The following SVOP variants were observed in gnomAD, a reference collection of about 807,000 sequenced individuals.
SVOP encodes synaptic vesicle 2-related protein.
A neutral mutation model predicts 69.1 loss-of-function variants in SVOP; 17 were observed. The observed-to-expected ratio is 0.25, with a 90% CI of 0.17 to 0.37. The LOEUF (loss-of-function observed/expected upper bound fraction) is 0.37, where lower values mean the gene tolerates loss of function less well. SVOP is among the 10% of genes least tolerant of loss of function. The pLI is 1.00. For missense variants in SVOP, 435 were observed against 597.5 expected (o/e 0.73, Z 2.84); for synonymous variants, 238 against 238.6 (o/e 1.00, Z 0.02).
chr12:108,985,295 AAG>A (rs2040160685), intron 1 of SVOP, among the ~76,000 whole-genome samples: 1 of 134,170 alleles, frequency 7.5e-6, no homozygotes, highest in Admixed American at 7.1e-5. Context: ...AAGAAGAAGA[AAG>A]AGAGAGAGAA....
intron 5 of SVOP, among the ~76,000 whole-genome samples, chr12:108,965,294 G>A (rs912613903): frequency 2.0e-5 from 3 of 152,198 alleles, no homozygotes; most frequent in South Asian, 2.1e-4. Context: ...CTGAAGATCC[G>A]TAAGTGGTGC....
intron 14 of SVOP, among the ~76,000 whole-genome samples, chr12:108,916,171 G>C (rs1566046244): frequency 6.6e-6 from 1 of 152,226 alleles, no homozygotes; most frequent in Non-Finnish European, 1.5e-5. Flanking sequence ...CAACTCAGGG[G>C]TTGCTCTCTA....
intron 11 of SVOP, among the ~76,000 whole-genome samples, chr12:108,929,920 A>G (rs957812270): frequency 1.3e-5 from 2 of 152,206 alleles, no homozygotes; most frequent in Non-Finnish European, 2.9e-5. Flanking sequence ...TGACACAGGT[A>G]CTTGGTGCTG....
chr12:109,011,095 A>C (rs1249238501), intron 1 of SVOP, among the ~76,000 whole-genome samples: 1 of 151,870 alleles, frequency 6.6e-6, no homozygotes, highest in Non-Finnish European at 1.5e-5. Flanking sequence ...TTGTATTTTT[A>C]GTAAAGACAG....
chr12:108,927,588 T>C (rs1566049033), intron 11 of SVOP, among the ~76,000 whole-genome samples: 1 of 101,930 alleles, frequency 9.8e-6, no homozygotes, highest in South Asian at 4.2e-4. Flanking sequence ...TCTCTCTCTC[T>C]CTTTTTTTTT....
chr12:108,927,826 G>A lies in SVOP; in HGVS notation c.1049-5029C>T, dbSNP rs533927998. On this transcript the variant is annotated intron_variant, in intron 11 of 15. Transcript: ENST00000610966. The stretch of plus-strand genomic sequence containing the variant: ...GCCCAGGCTGGTCTTGAACTCCTGA[G>A]CTCAAGTGATTCACCTGCCTCAGCC... Among the ~76,000 whole-genome samples, 7 of 151,550 alleles carry A rather than the reference G, an allele frequency of 4.6e-5. No individual in the cohort carries two copies. The South Asian group carries it at 1.5e-3, about 32-fold the overall frequency.
At chr12:108,932,745 C>A (rs546499428) in intron 11 of SVOP, among the ~76,000 whole-genome samples, 140 of 152,196 alleles carry the variant, frequency 9.2e-4, no homozygotes, top group Non-Finnish European at 7.6e-4. Flanking sequence ...AACATTAAAA[C>A]AAAGATCGTA....
chr12:108,990,472 A>T (rs1375053396), intron 1 of SVOP, among the ~76,000 whole-genome samples: 2 of 143,864 alleles, frequency 1.4e-5, no homozygotes, highest in African/African-American at 5.1e-5. Flanking sequence ...GAACACTTGG[A>T]CACAGGAAGG....
intron 7 of SVOP, among the ~76,000 whole-genome samples, chr12:108,943,534 G>T (rs1400250471): frequency 6.6e-6 from 1 of 151,526 alleles, no homozygotes; most frequent in South Asian, 2.1e-4. Context: ...GGAGGCGGAG[G>T]ATGCAGAGAG....
At position 108,977,374 on chromosome 12, in the gene SVOP, G is replaced by T. The variant is rs947840781; in HGVS notation, c.381+24C>A. ...CAGGGGAGCAGAACTGTATGCAACA[G>T]AAGGGAGCTGCTGGGCTGCCTACCG... On this transcript the variant is annotated intron_variant, in intron 4 of 15. Transcript: ENST00000610966. The T allele has an allele frequency of 3.9e-6, 6 of 1,536,402 alleles. No individual in the cohort carries two copies. In the African/African-American group the frequency reaches 5.5e-5, roughly 14 times the overall value.
At chr12:108,958,303 CTT>C (rs755097672) in intron 6 of SVOP, among the ~76,000 whole-genome samples, 2 of 108,486 alleles carry the variant, frequency 1.8e-5, no homozygotes, top group African/African-American at 2.6e-5. Flanking sequence ...CATGCCTGGC[CTT>C]TTTTTTTTTT....
In SVOP at chr12:108,912,213, C is replaced by T. The variant is rs1490214821; in HGVS notation, c.*322G>A. On this transcript the variant is annotated 3_prime_UTR_variant, in exon 16 of 16. Coordinates refer to ENST00000610966, the MANE Select transcript of SVOP (RefSeq NM_018711.5). ...TTTGGTTGTTCACTGAGGGTTTGGCCGGGTGACTCTGGGTGGTGTCTGATT... is the reference window on the plus strand; with the variant it reads ...TTTGGTTGTTCACTGAGGGTTTGGCTGGGTGACTCTGGGTGGTGTCTGATT... 12 of 1,204,642 alleles carry T rather than the reference C, an allele frequency of 1.0e-5. No individual in the cohort carries two copies. In the Admixed American group the frequency reaches 1.2e-4, roughly 12 times the overall value. 74.6% of individuals were successfully genotyped at this position (1,204,642 alleles called of 1,614,324 possible).
chr12:108,972,750 G>A (rs1593195728), intron 4 of SVOP, among the ~76,000 whole-genome samples: 1 of 152,342 alleles, frequency 6.6e-6, no homozygotes, highest in East Asian at 1.9e-4. Flanking sequence ...GGCGTTAAGT[G>A]GCGCAGCCTG....
intron 2 of SVOP, among the ~76,000 whole-genome samples, chr12:108,982,063 AT>A (rs2040138700): frequency 6.6e-6 from 1 of 151,822 alleles, no homozygotes; most frequent in Admixed American, 6.6e-5. Flanking sequence ...CGTCACCATC[AT>A]AACCACCATC....
chr12:108,935,160 T>G (rs934761202), intron 10 of SVOP, among the ~76,000 whole-genome samples: 2 of 152,200 alleles, frequency 1.3e-5, no homozygotes, highest in East Asian at 3.8e-4. Context: ...TAATATCTTT[T>G]AGGGCTCTGG....
At chr12:108,983,821 C>T (rs1323294543) in intron 1 of SVOP, 60 bp from the exon 2 acceptor site, 1 of 398,654 alleles carries the variant, frequency 2.5e-6, no homozygotes, top group Non-Finnish European at 4.4e-6. Flanking sequence ...GGCCTTGCTG[C>T]ACAGCTCTAG....
chr12:108,986,389 C>T (rs1422215276), intron 1 of SVOP, among the ~76,000 whole-genome samples: 1 of 152,164 alleles, frequency 6.6e-6, no homozygotes, highest in East Asian at 1.9e-4. Context: ...TCTTCCATTG[C>T]TTCCCATTTA....
intron 5 of SVOP, 46 bp from the exon 6 acceptor site, chr12:108,961,093 C>G (rs1421822849): frequency 5.3e-6 from 8 of 1,516,720 alleles, no homozygotes; most frequent in Non-Finnish European, 7.1e-6. Flanking sequence ...TTCAGCACCT[C>G]CAGGTAGCGT....
intron 11 of SVOP, among the ~76,000 whole-genome samples, chr12:108,927,599 T>TTC (rs1238971573): frequency 1.3e-5 from 2 of 151,276 alleles, no homozygotes; most frequent in African/African-American, 4.9e-5. Context: ...CTTTTTTTTT[T>TTC]TTTTTTTTTG....
Sources: allele counts gnomAD v4.1 joint callset (sites outside exome capture counted in the v4.1 genomes callset), GRCh38; gene constraint gnomAD v4.1.1; transcripts MANE v1.5; gene names NCBI Gene and HGNC (gene_info 2026-07-23, HGNC 2026-07-21).